MYO15A: variants seen among roughly 807,000 people sequenced by gnomAD.
MYO15A encodes myosin XVA, also known as unconventional myosin-XV.
In MYO15A, 308 loss-of-function variants were observed where a neutral mutation model predicts 394.6. The observed-to-expected ratio is 0.78, with a 90% CI of 0.71 to 0.86. The LOEUF (loss-of-function observed/expected upper bound fraction) is 0.86. Ranked by LOEUF, MYO15A falls within the 40% of genes least tolerant of loss-of-function variation. The pLI, the probability that MYO15A is intolerant of heterozygous loss-of-function variation, is 0.00. For synonymous variants in MYO15A, 1,957 were observed against 2,003.8 expected, an observed-to-expected ratio of 0.98 and a Z score of 0.62; for missense variants, 4,606 against 4,799.1, an observed-to-expected ratio of 0.96 and a Z score of 1.19.
intron 62 of MYO15A, chr17:18,169,644 A>G (rs1334891791): frequency 6.6e-6 from 1 of 152,154 alleles, no homozygotes; most frequent in Non-Finnish European, 1.5e-5. Flanking sequence ...CTCAAAAACA[A>G]AAAAAGTGGA....
chr17:18,130,848 GTGTGTGTGTGTGTGTGTGTGTGTC>G (rs1405896167), intron 8 of MYO15A, 38 bp downstream of exon 8: 3 of 1,551,286 alleles, frequency 1.9e-6, no homozygotes, highest in African/African-American at 2.7e-5. Context: ...GTGTGTGTGT[GTGTGTGTGTGTGTGTGTGTGTGTC>G]TGTCCAGGAA....
In MYO15A at chr17:18,156,185, C is replaced by T. The variant is rs1230089049; in HGVS notation, c.8460-10C>T. On this transcript the variant is annotated splice_polypyrimidine_tract_variant and intron_variant, in intron 47 of 65. Transcript: ENST00000647165. ...TGGCAGGGGAGTCATGCCACCGGCC[C>T]ATCCTCCAGCTTTGCAGATATCCTG... 4 of 1,614,030 alleles carry T rather than the reference C, an allele frequency of 2.5e-6. No homozygotes were observed. In the Admixed American group the frequency reaches 6.7e-5, roughly 27 times the overall value.
At chr17:18,115,345 T>C (rs891008298) in intron 1 of MYO15A, among the ~76,000 whole-genome samples, 15 of 152,062 alleles carry the variant, frequency 9.9e-5, no homozygotes, top group African/African-American at 2.9e-4. Flanking sequence ...GAGGCTAGGC[T>C]TGGTGGCTCA....
chr17:18,114,241 CTTTTT>C (rs10583154), intron 1 of MYO15A, among the ~76,000 whole-genome samples: 1 of 55,560 alleles, frequency 1.8e-5, no homozygotes, highest in African/African-American at 7.0e-5. Flanking sequence ...ACAGTCCTGT[CTTTTT>C]TTTTTTTTTT....
At chr17:18,128,216 G>C (rs948847479) in intron 7 of MYO15A, among the ~76,000 whole-genome samples, 5 of 152,244 alleles carry the variant, frequency 3.3e-5, no homozygotes, top group African/African-American at 1.2e-4. Flanking sequence ...CTGGGCAGTG[G>C]AGGAGGAGCA....
chr17:18,170,547 G>A (rs561305602), intron 62 of MYO15A, among the ~76,000 whole-genome samples: 149 of 151,678 alleles, frequency 9.8e-4, no homozygotes, highest in Admixed American at 4.9e-3. Flanking sequence ...TTGTAGAGAC[G>A]GGGGTCTTAC....
chr17:18,127,332 G>A (rs754177961), intron 7 of MYO15A, among the ~76,000 whole-genome samples, 167 bp downstream of exon 7: 20 of 152,202 alleles, frequency 1.3e-4, no homozygotes, highest in Non-Finnish European at 2.5e-4. Context: ...CTTCCCAGGG[G>A]TGTGCCTGAG....
Position 18,148,138 on chromosome 17 carries a change from C to A in MYO15A, c.6619C>A (p.Pro2207Thr), listed in dbSNP as rs1371214170. 1.8e-5 allele frequency: 29 copies of A among 1,613,722 alleles called. No individual in the cohort carries two copies. The highest frequency in any genetic ancestry group is 2.5e-5 in the Non-Finnish European group (29 of 1,180,026). ...QQGSGAARTLPPTQLEWTATY... is the reference protein window; with the variant it reads ...QQGSGAARTLTPTQLEWTATY... ...GGGCTCGGGGGCTGCCCGCACCTTACCCCCGACCCAGCTCGAGTGGACAGC... is the reference window on the plus strand; with the variant it reads ...GGGCTCGGGGGCTGCCCGCACCTTAACCCCGACCCAGCTCGAGTGGACAGC... Residue 2207 changes from proline (P) to threonine (T), a missense_variant, in exon 31 of 66, where the codon CCC (proline) becomes ACC (threonine). By Grantham distance (38) the Pro-to-Thr change is conservative. Coordinates refer to ENST00000647165, the MANE Select transcript of MYO15A (RefSeq NM_016239.4). The surrounding 1 kb of genome is among the most constrained non-coding windows in gnomAD (Gnocchi z 4.8).
Position 18,121,806 on chromosome 17 carries a change from C to G in MYO15A, c.3006C>G (p.Thr1002=), listed in dbSNP as rs1199941748. The change falls in exon 2 of 66, where the codon ACC becomes ACG. Residue 1002 remains threonine (T), a synonymous_variant. Transcript: ENST00000647165. The surrounding 1 kb of genome is among the most constrained non-coding windows in gnomAD (Gnocchi z 5.3). ...ATGAGCCGGGGCCTGGACAGCTCAC[C>G]AAATCAGCTGGCCCAACCCCTGAGA... The part of the protein sequence containing the change: ...RHHEPGPGQL[T]KSAGPTPEKP... 1.9e-6 allele frequency: 3 copies of G among 1,612,794 alleles called. No homozygotes were observed. The highest frequency in any genetic ancestry group is 2.5e-6 in the Non-Finnish European group (3 of 1,179,914).
At position 18,148,764 on chromosome 17, in the gene MYO15A, G is replaced by T. The variant is rs1404878831; in HGVS notation, c.6768G>T (p.Gly2256=). Residue 2256 remains glycine, a synonymous_variant, in exon 33 of 66, where the codon GGG becomes GGT. Coordinates refer to ENST00000647165, the MANE Select transcript of MYO15A (RefSeq NM_016239.4). This position sits in a 1 kb window ranked among gnomAD's most constrained non-coding sequence, Gnocchi z 4.8. ...EVAGDILRHR[G]LADGWRGWTV... is the part of the protein sequence containing the mutation. Reference sequence around the variant, plus strand: ...TTCCTGTGCATGCCATCACCAGGGGGCTGGCAGATGGCTGGCGCGGCTGGA... The same window carrying T: ...TTCCTGTGCATGCCATCACCAGGGGTCTGGCAGATGGCTGGCGCGGCTGGA... The T allele has an allele frequency of 1.9e-6, 3 of 1,597,240 alleles. No individual in the cohort carries two copies. The highest frequency in any genetic ancestry group is 1.3e-5 in the African/African-American group (1 of 74,624).
chr17:18,163,145 C>T (rs1044245617), intron 58 of MYO15A, 99 bp from the exon 59 acceptor site: 6 of 1,317,646 alleles, frequency 4.6e-6, no homozygotes, highest in Non-Finnish European at 6.6e-6. Context: ...ACGTGCCAGC[C>T]CAGGATCCTT....
At chr17:18,154,851 C>A in intron 45 of MYO15A, 96 bp downstream of exon 45, 13 of 1,335,394 alleles carry the variant, frequency 9.7e-6, no homozygotes, top group Non-Finnish European at 1.4e-5. Context: ...AAGCCCAGGC[C>A]CACCATCTCC....
At chr17:18,156,395 TC>T in intron 48 of MYO15A, 59 bp downstream of exon 48, 2 of 1,575,156 alleles carry the variant, frequency 1.3e-6, no homozygotes, top group Non-Finnish European at 1.7e-6. Context: ...AACAGGGATC[TC>T]CCTGTTCCAG....
intron 65 of MYO15A, among the ~76,000 whole-genome samples, chr17:18,174,165 C>A (rs2046981747): frequency 6.6e-6 from 1 of 152,148 alleles, no homozygotes; most frequent in Non-Finnish European, 1.5e-5. Context: ...GGCAAGGACA[C>A]TAGAGGTTTG....
intron 54 of MYO15A, 72 bp from the exon 55 acceptor site, chr17:18,159,534 C>A: frequency 6.4e-7 from 1 of 1,574,612 alleles, no homozygotes; most frequent in Non-Finnish European, 8.7e-7. Context: ...AGGGGCTCAG[C>A]CCTGGGGCTT....
At chr17:18,137,559 C>T (rs1182772484) in intron 15 of MYO15A, 25 bp from the exon 16 acceptor site, 1 of 1,609,614 alleles carries the variant, frequency 6.2e-7, no homozygotes. Context: ...AAGGACCAGT[C>T]CCAGCACCCC....
intron 11 of MYO15A, 123 bp from the exon 12 acceptor site, chr17:18,133,102 A>T: frequency 1.0e-6 from 1 of 960,270 alleles, no homozygotes; most frequent in Non-Finnish European, 1.6e-6. Flanking sequence ...TGCCCATGAG[A>T]GTGAAATGAC....
rs768443645 is a variant in MYO15A at position 18,145,968 on chromosome 17, C to T, written c.6370C>T (p.Arg2124Trp). Reference sequence around the variant, plus strand: ...GAAGGGGCTGGCGGTGCCTGAGCTGCGGGATGAGATCCTGGCACAGCTGGC... The same window carrying T: ...GAAGGGGCTGGCGGTGCCTGAGCTGTGGGATGAGATCCTGGCACAGCTGGC... ...VQKGLAVPEL[R>W]DEILAQLANQ... Residue 2124 changes from arginine (R) to tryptophan (W), a missense_variant, in exon 30 of 66, where the codon CGG becomes TGG. Around this residue, in one of 2 missense-constraint regions of MYO15A, gnomAD observed 2,776 missense variants for 3,109.3 expected, o/e 0.89. Coordinates refer to ENST00000647165, the MANE Select transcript of MYO15A (RefSeq NM_016239.4). The T allele has an allele frequency of 1.3e-5, 21 of 1,613,644 alleles. No homozygotes were observed. The highest frequency in any genetic ancestry group is 2.2e-5 in the East Asian group (1 of 44,896).
Position 18,125,171 on chromosome 17 carries a change from C to A in MYO15A, c.3696C>A (p.Asp1232Glu), listed in dbSNP as rs754369786. Residue 1232 changes from aspartate to glutamate, a missense_variant, in exon 4 of 66, where the codon GAC becomes GAA. Coordinates refer to ENST00000647165, the MANE Select transcript of MYO15A (RefSeq NM_016239.4). ...GCTTCTCTCTGTGTCCTTCTAGAGACCTCCAGGAAACCACTGTGCTGTCCA... is the reference window on the plus strand; with the variant it reads ...GCTTCTCTCTGTGTCCTTCTAGAGAACTCCAGGAAACCACTGTGCTGTCCA... ...DGVEDMTQLE[D>E]LQETTVLSNL... 2 of 1,614,020 alleles carry A rather than the reference C, an allele frequency of 1.2e-6. No individual in the cohort carries two copies. Among genetic ancestry groups the A allele is most frequent in the Admixed American group, 1.7e-5 (1 of 60,014 alleles).
Sources: allele counts gnomAD v4.1 joint callset (sites outside exome capture counted in the v4.1 genomes callset), GRCh38; gene constraint gnomAD v4.1.1; regional missense constraint gnomAD v4.1.1; non-coding constraint Gnocchi (gnomAD v3.1); transcripts MANE v1.5; gene names NCBI Gene and HGNC (gene_info 2026-07-23, HGNC 2026-07-21).